Variants in UBAC1 observed in about 807,000 individuals in gnomAD.
UBAC1 encodes the protein UBA domain containing 1.
A neutral mutation model predicts 45.9 loss-of-function variants in UBAC1; 27 were observed. The observed-to-expected ratio is 0.59, with a 90% CI of 0.43 to 0.81. The LOEUF is 0.81. Among genes scored for constraint, UBAC1 ranks in the 30% least tolerant of loss-of-function variants. The pLI is 0.00. For missense variants in UBAC1, 529 were observed against 539.2 expected (o/e 0.98, Z 0.19); for synonymous variants, 227 against 215.5 (o/e 1.05, Z -0.47).
chr9:135,958,854 C>A (rs1008082227), intron 1 of UBAC1, among the ~76,000 whole-genome samples: 3 of 152,116 alleles, frequency 2.0e-5, no homozygotes, highest in African/African-American at 7.2e-5. Context: ...TCGGCTCTTG[C>A]GGTGTGAAAA....
intron 7 of UBAC1, among the ~76,000 whole-genome samples, chr9:135,942,821 C>G (rs575001017): frequency 6.6e-6 from 1 of 152,256 alleles, no homozygotes; most frequent in Non-Finnish European, 1.5e-5. Context: ...ACAGACAGAA[C>G]GTGCGCCTTG....
At chr9:135,954,199 G>A (rs1054420188) in intron 2 of UBAC1, among the ~76,000 whole-genome samples, 9 of 150,640 alleles carry the variant, frequency 6.0e-5, no homozygotes, top group Non-Finnish European at 1.3e-4. Flanking sequence ...GCTCACTCCT[G>A]TAATCCCAGC....
At chr9:135,953,282 A>G (rs1839428589) in intron 3 of UBAC1, among the ~76,000 whole-genome samples, 1 of 152,120 alleles carries the variant, frequency 6.6e-6, no homozygotes, top group Admixed American at 6.6e-5. Flanking sequence ...ACTAGTATAG[A>G]GAACTTCTTT....
intron 2 of UBAC1, among the ~76,000 whole-genome samples, chr9:135,955,005 C>T (rs916769209): frequency 6.6e-6 from 1 of 152,190 alleles, no homozygotes; most frequent in African/African-American, 2.4e-5. Flanking sequence ...CCTGCAGAAC[C>T]CCTGGAGTCT....
chr9:135,945,330 C>A, intron 6 of UBAC1, 80 bp from the exon 7 acceptor site: 1 of 1,266,866 alleles, frequency 7.9e-7, no homozygotes, highest in Non-Finnish European at 1.1e-6. Context: ...CCAAGAAGAG[C>A]CTCTGCTATG....
In UBAC1 at chr9:135,937,620, T is replaced by C. The variant is rs372606046; in HGVS notation, c.1102+602A>G. On this transcript the variant is annotated intron_variant, in intron 9 of 9. Coordinates refer to ENST00000371756, the MANE Select transcript of UBAC1 (RefSeq NM_016172.3). The stretch of plus-strand genomic sequence containing the variant: ...CACAAAGGCAGCAGCAAATGAGAGA[T>C]TGTTTAAGGAGACACAAATACGGCA... 8.6e-5 allele frequency among the ~76,000 whole-genome samples: 13 copies of C among 151,906 alleles called. No individual in the cohort carries two copies. In the South Asian group the frequency reaches 1.0e-3, roughly 12 times the overall value.
Position 135,955,287 on chromosome 9 carries a change from A to C in UBAC1, c.259+8T>G. 6.4e-7 allele frequency: 1 copy of C among 1,555,966 alleles called. No homozygotes were observed. The highest frequency in any genetic ancestry group is 8.7e-7 in the Non-Finnish European group (1 of 1,155,528). On this transcript the variant is annotated splice_region_variant and intron_variant, in intron 2 of 9. Coordinates refer to ENST00000371756, the MANE Select transcript of UBAC1 (RefSeq NM_016172.3). ...TGCTGCCAACCCGCCCGCCCACAGC[A>C]GCCTTACCTTGGTCCTGGATGTTCT...
chr9:135,946,088 G>T, intron 5 of UBAC1, 91 bp from the exon 6 acceptor site: 1 of 1,296,838 alleles, frequency 7.7e-7, no homozygotes, highest in South Asian at 1.2e-5. Context: ...ATCTGTCTGA[G>T]CTCCACCTGC....
At chr9:135,946,074 AATTATCTGTCTGAGCT>A in intron 5 of UBAC1, 77 bp from the exon 6 acceptor site, 1 of 1,402,854 alleles carries the variant, frequency 7.1e-7, no homozygotes, top group Non-Finnish European at 1.0e-6. Context: ...CATTTGCAGC[AATTATCTGTCTGAGCT>A]CCACCTGCCC....
intron 7 of UBAC1, among the ~76,000 whole-genome samples, chr9:135,943,223 G>A (rs1337040049): frequency 2.0e-5 from 3 of 152,184 alleles, no homozygotes; most frequent in East Asian, 1.9e-4. Context: ...AGTTTGAGAC[G>A]AGCCTGGCCA....
At chr9:135,946,602 AC>A (rs1326616051) in intron 4 of UBAC1, among the ~76,000 whole-genome samples, 13 of 152,222 alleles carry the variant, frequency 8.5e-5, no homozygotes, top group Admixed American at 7.9e-4. Flanking sequence ...GGTGACGGTC[AC>A]TCAGTGCTGG....
intron 2 of UBAC1, among the ~76,000 whole-genome samples, chr9:135,954,863 T>A (rs1230279277): frequency 6.6e-6 from 1 of 152,224 alleles, no homozygotes; most frequent in Non-Finnish European, 1.5e-5. Context: ...ATTAAAGGCA[T>A]TATTTGAATG....
chr9:135,940,822 C>G (rs971957916), intron 7 of UBAC1, among the ~76,000 whole-genome samples: 18 of 152,148 alleles, frequency 1.2e-4, no homozygotes, highest in African/African-American at 4.1e-4. Flanking sequence ...TCAAGGGCCT[C>G]TCCTAATCCC....
intron 7 of UBAC1, among the ~76,000 whole-genome samples, chr9:135,940,077 G>C (rs1415421006): frequency 1.3e-5 from 2 of 152,162 alleles, no homozygotes; most frequent in Non-Finnish European, 1.5e-5. Flanking sequence ...AGGCAGTCAG[G>C]CCAACTTCAG....
chr9:135,944,892 C>A (rs1333505808), intron 7 of UBAC1, 136 bp downstream of exon 7: 36 of 892,460 alleles, frequency 4.0e-5, no homozygotes, highest in Admixed American at 6.5e-5. Context: ...TAAACCCCTT[C>A]CCCAGCTTCT....
intron 7 of UBAC1, among the ~76,000 whole-genome samples, chr9:135,944,099 C>A (rs1046562274): frequency 2.6e-5 from 4 of 152,166 alleles, no homozygotes; most frequent in Non-Finnish European, 5.9e-5. Context: ...ACCTGCACAT[C>A]CTGCATATGT....
intron 3 of UBAC1, among the ~76,000 whole-genome samples, chr9:135,953,289 C>T (rs936310971): frequency 2.3e-4 from 35 of 151,988 alleles, no homozygotes; most frequent in African/African-American, 8.0e-4. Flanking sequence ...TAGAGAACTT[C>T]TTTATAATTC....
In UBAC1 at chr9:135,946,254, G is replaced by C. The variant is rs375145585; in HGVS notation, c.544+15C>G. 3 of 1,569,362 alleles carry C rather than the reference G, an allele frequency of 1.9e-6. No homozygotes were observed. In the Admixed American group the frequency reaches 5.0e-5, roughly 26 times the overall value. ...GTGAACCGCCCTGGAATGCAGCATC[G>C]GGGTTGACTCATACCATTCGCCTTC... is the stretch of plus-strand genomic sequence containing the variant. On this transcript the variant is annotated intron_variant, in intron 5 of 9. Transcript: ENST00000371756.
At chr9:135,945,800 A>AG in intron 6 of UBAC1, 89 bp downstream of exon 6, 1 of 977,828 alleles carries the variant, frequency 1.0e-6, no homozygotes, top group East Asian at 2.6e-5. Flanking sequence ...CAAAGAGTTT[A>AG]GGGTAGGAGG....
Sources: allele counts gnomAD v4.1 joint callset (sites outside exome capture counted in the v4.1 genomes callset), GRCh38; gene constraint gnomAD v4.1.1; transcripts MANE v1.5; gene names NCBI Gene and HGNC (gene_info 2026-07-23, HGNC 2026-07-21).